The following DIXDC1 variants were observed in gnomAD, a reference collection of about 807,000 sequenced individuals.
The protein encoded by DIXDC1 is DIX domain containing 1.
DIXDC1 carries 64 observed loss-of-function variants against 103.1 expected under a neutral mutation model. That is an observed-to-expected ratio of 0.62 (90% CI 0.51 to 0.76). The LOEUF (loss-of-function observed/expected upper bound fraction) is 0.76, where lower values mean the gene tolerates loss of function less well. DIXDC1 is among the 30% of genes least tolerant of loss of function. DIXDC1 has a pLI of 0.00. For synonymous variants in DIXDC1, 266 were observed against 298.5 expected (o/e 0.89, Z 1.12); for missense variants, 759 against 834.2 (o/e 0.91, Z 1.11).
chr11:111,979,900 G>A (rs1291742787), intron 5 of DIXDC1, among the ~76,000 whole-genome samples: 1 of 152,172 alleles, frequency 6.6e-6, no homozygotes, highest in African/African-American at 2.4e-5. Context: ...GCTGCCATGA[G>A]TTATGATGGA....
At chr11:111,937,127 C>CGGGGGGGGGGGGGGGGGGGG (rs200146124), upstream of DIXDC1, 2 of 502,588 alleles carry the variant, frequency 4.0e-6, no homozygotes, top group Admixed American at 1.5e-4. Flanking sequence ...TGCTGCGGCC[C>CGGGGGGGGGGGGGGGGGGGG]GGGCGGGGGG....
chr11:111,929,430 T>C (rs1224875599), intron 1 of DIXDC1, among the ~76,000 whole-genome samples: 2 of 151,922 alleles, frequency 1.3e-5, no homozygotes, highest in Non-Finnish European at 2.9e-5. Flanking sequence ...AAAATGCCAC[T>C]GGGTTAGCTG....
intron 5 of DIXDC1, chr11:111,975,251 G>T (rs1555172482): frequency 1.8e-5 from 23 of 1,253,142 alleles, no homozygotes; most frequent in Non-Finnish European, 2.3e-5. Flanking sequence ...GGGCATGGCT[G>T]GAACCTGTCA....
intron 17 of DIXDC1, among the ~76,000 whole-genome samples, chr11:112,002,320 A>G (rs1456844362): frequency 6.6e-6 from 1 of 152,118 alleles, no homozygotes; most frequent in Non-Finnish European, 1.5e-5. Context: ...ATTATGCACC[A>G]TTGGTGGGCA....
intron 1 of DIXDC1, among the ~76,000 whole-genome samples, chr11:111,928,035 AAAAT>A (rs1965886876): frequency 1.3e-5 from 2 of 151,836 alleles, no homozygotes; most frequent in South Asian, 4.2e-4. Context: ...AAAAAAAAAA[AAAAT>A]AGTATTAGCC....
chr11:111,977,812 T>C lies in DIXDC1; in HGVS notation c.656+2829T>C, dbSNP rs1555172837. ...GTCAAATGGTGAGCTGAAGCCACTC[T>C]GGCTTTGGAAGTGGGGGGCCTGGGT... is the stretch of plus-strand genomic sequence containing the variant. On this transcript the variant is annotated intron_variant, in intron 5 of 19. Transcript: ENST00000440460. The surrounding 1 kb of genome is among the most constrained non-coding windows in gnomAD (Gnocchi z 6.1). 1 of 1,552,608 alleles carries C rather than the reference T, an allele frequency of 6.4e-7. No individual in the cohort carries two copies. Among genetic ancestry groups the C allele is most frequent in the Non-Finnish European group, 8.7e-7 (1 of 1,148,822 alleles).
At chr11:111,955,567 GCTCATGC>G (rs1482241946) in intron 1 of DIXDC1, among the ~76,000 whole-genome samples, 1 of 151,810 alleles carries the variant, frequency 6.6e-6, no homozygotes, top group African/African-American at 2.4e-5. Flanking sequence ...CGGTGCGGTG[GCTCATGC>G]CTGTAATCTC....
chr11:111,937,293 G>A, upstream of DIXDC1: 1 of 1,326,330 alleles, frequency 7.5e-7, no homozygotes, highest in Admixed American at 3.8e-5. Context: ...CGACCGCGCC[G>A]GGCCCCTCCA....
At chr11:111,985,376 T>G in intron 8 of DIXDC1, 55 bp downstream of exon 8, 1 of 1,436,226 alleles carries the variant, frequency 7.0e-7, no homozygotes, top group Admixed American at 2.0e-5. Context: ...TTACTTGTAT[T>G]TAGCATTTGA....
chr11:112,020,452 A>G lies in DIXDC1; in HGVS notation c.*1416A>G, dbSNP rs1158447627. The stretch of plus-strand genomic sequence containing the variant: ...ACATCTTGTTGTTTTATATAGATGT[A>G]TCTTTTAAAAATAGTTCACGTTTGG... On this transcript the variant is annotated 3_prime_UTR_variant, in exon 20 of 20. Transcript: ENST00000440460. The G allele has an allele frequency of 6.6e-6, 1 of 152,648 alleles. No homozygotes were observed. Among genetic ancestry groups the G allele is most frequent in the East Asian group, 1.9e-4 (1 of 5,204 alleles). 9.5% of individuals were successfully genotyped at this position (152,648 alleles called of 1,614,324 possible).
intron 1 of DIXDC1, among the ~76,000 whole-genome samples, chr11:111,957,627 A>G (rs1859432598): frequency 6.6e-6 from 1 of 152,236 alleles, no homozygotes; most frequent in African/African-American, 2.4e-5. Flanking sequence ...GATAAACCCA[A>G]ATTGTGGGAC....
At chr11:111,929,994 C>T (rs2137417682) in intron 2 of DIXDC1, 1 of 1,277,258 alleles carries the variant, frequency 7.8e-7, no homozygotes, top group East Asian at 2.6e-5. Context: ...ATTTCTCCAT[C>T]AGGACTCAGA....
intron 1 of DIXDC1, among the ~76,000 whole-genome samples, chr11:111,944,679 T>C (rs1966534861): frequency 6.6e-6 from 1 of 152,196 alleles, no homozygotes; most frequent in African/African-American, 2.4e-5. Context: ...ATGGGATTGC[T>C]AAAGCCTCCT....
At chr11:111,975,615 G>A (rs1318277528) in intron 5 of DIXDC1, 1 of 985,858 alleles carries the variant, frequency 1.0e-6, no homozygotes, top group Non-Finnish European at 1.2e-6. Flanking sequence ...ACTGGCTCAT[G>A]TAAATTGTGC....
At chr11:112,005,037 A>G (rs1555176452) in intron 17 of DIXDC1, among the ~76,000 whole-genome samples, 1 of 152,228 alleles carries the variant, frequency 6.6e-6, no homozygotes, top group African/African-American at 2.4e-5. Flanking sequence ...ACAGAATCAA[A>G]CTCATATATG....
Position 111,995,046 on chromosome 11 carries a change from C to G in DIXDC1, c.1465C>G (p.Gln489Glu), listed in dbSNP as rs782540144. Residue 489 changes from glutamine to glutamate, a missense_variant, in exon 15 of 20, where the codon CAA becomes GAA. Coordinates refer to ENST00000440460, the MANE Select transcript of DIXDC1 (RefSeq NM_001037954.4). ...GACCAACTACAACAGTCACAACTCTCAAAGCAATGGTTTTCTCCTTCCAAC... is the reference window on the plus strand; with the variant it reads ...GACCAACTACAACAGTCACAACTCTGAAAGCAATGGTTTTCTCCTTCCAAC... ...EATNYNSHNS[Q>E]SNGFLLPTAG... 1.9e-6 allele frequency: 3 copies of G among 1,613,702 alleles called. No individual in the cohort carries two copies. Among genetic ancestry groups the G allele is most frequent in the African/African-American group, 2.7e-5 (2 of 74,930 alleles).
chr11:111,964,325 G>A (rs1195334119), intron 1 of DIXDC1, among the ~76,000 whole-genome samples: 1 of 152,176 alleles, frequency 6.6e-6, no homozygotes, highest in African/African-American at 2.4e-5. Flanking sequence ...CCAAGTCCGA[G>A]GTTAGCTTAT....
intron 12 of DIXDC1, among the ~76,000 whole-genome samples, chr11:111,993,259 G>C (rs1434538039): frequency 6.6e-6 from 1 of 152,184 alleles, no homozygotes; most frequent in Non-Finnish European, 1.5e-5. Context: ...TCTCTGACTA[G>C]TATGAATGGC....
chr11:111,975,682 T>A, intron 5 of DIXDC1: 1 of 985,704 alleles, frequency 1.0e-6, no homozygotes. Flanking sequence ...TGCTGAATCA[T>A]AATTTATGCT....
Sources: allele counts gnomAD v4.1 joint callset (sites outside exome capture counted in the v4.1 genomes callset), GRCh38; gene constraint gnomAD v4.1.1; non-coding constraint Gnocchi (gnomAD v3.1); transcripts MANE v1.5; gene names NCBI Gene and HGNC (gene_info 2026-07-23, HGNC 2026-07-21).